ARMC9: variants seen among roughly 807,000 people sequenced by gnomAD.
The protein encoded by ARMC9 is lisH domain-containing protein ARMC9.
A neutral mutation model predicts 107.0 loss-of-function variants in ARMC9; 94 were observed. The ratio of observed to expected loss-of-function variants is 0.88; its 90% CI spans 0.74 to 1.04. ARMC9 has a LOEUF of 1.04. Among genes scored for constraint, ARMC9 ranks in the 50% least tolerant of loss-of-function variants. The probability of loss-of-function intolerance (pLI) is 0.00; values close to 1 mark genes in which losing one functional copy is unlikely to be tolerated. For missense variants in ARMC9, 942 were observed against 1,030.1 expected, an observed-to-expected ratio of 0.91 and a Z score of 1.17; for synonymous variants, 380 against 396.9, an observed-to-expected ratio of 0.96 and a Z score of 0.51.
At chr2:231,276,614 A>G (rs966338784) in intron 14 of ARMC9, 22 bp from the exon 15 acceptor site, 2 of 1,613,806 alleles carry the variant, frequency 1.2e-6, no homozygotes, top group Admixed American at 3.3e-5. Flanking sequence ...GTTTGTATTT[A>G]CCGTAGGCTC....
chr2:231,363,814 G>A (rs2045691765), intron 23 of ARMC9, among the ~76,000 whole-genome samples: 1 of 144,106 alleles, frequency 6.9e-6, no homozygotes, highest in Non-Finnish European at 1.5e-5. Context: ...GAACTGGGAA[G>A]CAGAGGTTGC....
intron 20 of ARMC9, among the ~76,000 whole-genome samples, chr2:231,335,051 T>G (rs185894689): frequency 2.6e-5 from 4 of 152,254 alleles, no homozygotes; most frequent in East Asian, 3.9e-4. Context: ...GTCAGAAAAT[T>G]GTATTCAAAA....
At chr2:231,258,864 G>C (rs2038080657) in intron 10 of ARMC9, 127 bp from the exon 11 acceptor site, 2 of 807,662 alleles carry the variant, frequency 2.5e-6, no homozygotes, top group Non-Finnish European at 4.0e-6. Context: ...CCAAGTGGAA[G>C]CCGGGAGGTC....
chr2:231,230,223 C>T (rs533816830), intron 7 of ARMC9, among the ~76,000 whole-genome samples: 10 of 151,892 alleles, frequency 6.6e-5, no homozygotes, highest in East Asian at 5.8e-4. Context: ...ATTAACCGAG[C>T]GTGGCGACGT....
chr2:231,280,725 C>T (rs531177972), intron 16 of ARMC9, among the ~76,000 whole-genome samples: 1 of 152,184 alleles, frequency 6.6e-6, no homozygotes, highest in African/African-American at 2.4e-5. Context: ...AGTTGCATCA[C>T]ATGTGACAAA....
rs533428359 is a variant in ARMC9, at chr2:231,233,876, C to A, written c.623-1348C>A. 3.9e-5 allele frequency among the ~76,000 whole-genome samples: 6 copies of A among 152,222 alleles called. No homozygotes were observed. The South Asian group carries it at 1.0e-3, about 26-fold the overall frequency. ...AGTAGTAATAGCCACCACTATATAA[C>A]CTTCTCTAGGTCAGCCATTGTGCTA... On this transcript the variant is annotated intron_variant, in intron 7 of 24. Coordinates refer to ENST00000611582, the MANE Select transcript of ARMC9 (RefSeq NM_001352754.2).
At chr2:231,274,527 T>C (rs1432787945) in intron 14 of ARMC9, among the ~76,000 whole-genome samples, 1 of 152,200 alleles carries the variant, frequency 6.6e-6, no homozygotes, top group Non-Finnish European at 1.5e-5. Context: ...CGTGTGGACA[T>C]ATGTTTCTTT....
chr2:231,311,058 T>C (rs2125512782), intron 19 of ARMC9, among the ~76,000 whole-genome samples: 1 of 151,924 alleles, frequency 6.6e-6, no homozygotes, highest in East Asian at 2.0e-4. Context: ...GCCCAAGAGG[T>C]TGAGGCTTCA....
chr2:231,240,414 G>T (rs1165517874), intron 9 of ARMC9, among the ~76,000 whole-genome samples: 1 of 152,112 alleles, frequency 6.6e-6, no homozygotes, highest in East Asian at 1.9e-4. Flanking sequence ...TTTTTACTTG[G>T]AATAATTGCA....
intron 17 of ARMC9, 102 bp from the exon 18 acceptor site, chr2:231,291,251 C>T: frequency 1.1e-6 from 1 of 899,230 alleles, no homozygotes; most frequent in South Asian, 1.4e-5. Flanking sequence ...CTCTTCCTCT[C>T]CCCAAAACAT....
chr2:231,231,299 G>A (rs1320376702), intron 7 of ARMC9, among the ~76,000 whole-genome samples: 1 of 152,138 alleles, frequency 6.6e-6, no homozygotes, highest in Admixed American at 6.5e-5. Context: ...TGCAATATGG[G>A]ATTATGAATA....
chr2:231,351,022 G>A (rs1384711997), intron 21 of ARMC9, among the ~76,000 whole-genome samples: 10 of 115,656 alleles, frequency 8.6e-5, no homozygotes, highest in African/African-American at 2.5e-4. Context: ...GCAGTGGCAC[G>A]ATCTCGGCTC....
chr2:231,214,804 G>T (rs374222367), intron 3 of ARMC9, 27 bp from the exon 4 acceptor site: 2 of 1,609,018 alleles, frequency 1.2e-6, no homozygotes, highest in Admixed American at 1.7e-5. Context: ...TTACAACGAG[G>T]TATGTAGTCT....
chr2:231,352,225 G>A (rs2045113091), intron 21 of ARMC9, among the ~76,000 whole-genome samples: 1 of 151,888 alleles, frequency 6.6e-6, no homozygotes, highest in Non-Finnish European at 1.5e-5. Flanking sequence ...GCCTTCCAAA[G>A]TGCTGGGATT....
At chr2:231,233,605 C>A (rs141345328) in intron 7 of ARMC9, among the ~76,000 whole-genome samples, 4 of 151,956 alleles carry the variant, frequency 2.6e-5, no homozygotes, top group Non-Finnish European at 5.9e-5. Context: ...GAAGAAACCC[C>A]GTCTGTACTA....
chr2:231,212,863 G>T (rs188948797), intron 3 of ARMC9, among the ~76,000 whole-genome samples: 1 of 152,224 alleles, frequency 6.6e-6, no homozygotes, highest in Non-Finnish European at 1.5e-5. Context: ...GGAGGTAGAT[G>T]CTCATTGTAG....
chr2:231,240,208 G>A, intron 9 of ARMC9, 167 bp downstream of exon 9: 2 of 673,488 alleles, frequency 3.0e-6, no homozygotes, highest in South Asian at 3.9e-5. Context: ...TTTTGAAGAG[G>A]GTACAGCTGA....
At chr2:231,323,299 C>A (rs2043105190) in intron 19 of ARMC9, among the ~76,000 whole-genome samples, 1 of 152,184 alleles carries the variant, frequency 6.6e-6, no homozygotes, top group Non-Finnish European at 1.5e-5. Context: ...TCTGGGTTTG[C>A]CCATTATTAA....
intron 9 of ARMC9, among the ~76,000 whole-genome samples, chr2:231,253,925 T>C (rs973472602): frequency 9.9e-5 from 15 of 152,160 alleles, no homozygotes; most frequent in African/African-American, 3.6e-4. Context: ...TCCACCTTAG[T>C]GTTCACATTC....
Sources: gnomAD v4.1 joint callset for allele counts (sites outside exome capture counted in the v4.1 genomes callset) on GRCh38, gnomAD v4.1.1 for gene constraint, MANE v1.5 for transcripts, NCBI Gene and HGNC (gene_info 2026-07-23, HGNC 2026-07-21) for gene names.